Variants in ELAVL4 observed in about 807,000 individuals in gnomAD.
ELAVL4 encodes the protein ELAV-like protein 4.
Under a neutral mutation model 35.6 loss-of-function variants are expected in ELAVL4, and 1 was observed. The observed-to-expected ratio is 0.03, with a 90% CI of 0.01 to 0.13. The LOEUF (loss-of-function observed/expected upper bound fraction) is 0.13. Ranked by LOEUF, ELAVL4 falls within the 10% of genes least tolerant of loss-of-function variation. ELAVL4 has a pLI of 1.00. For missense variants in ELAVL4, 267 were observed against 464.9 expected (o/e 0.57, Z 3.91); for synonymous variants, 156 against 171.0 (o/e 0.91, Z 0.69).
chr1:50,128,139 T>C (rs1279619889), intron 1 of ELAVL4, among the ~76,000 whole-genome samples: 3 of 152,062 alleles, frequency 2.0e-5, no homozygotes, highest in Non-Finnish European at 4.4e-5. Context: ...AGTTTAGGCC[T>C]GAAACAGAGG....
chr1:50,123,199 C>A (rs532203298), intron 1 of ELAVL4, among the ~76,000 whole-genome samples: 6 of 152,146 alleles, frequency 3.9e-5, no homozygotes, highest in African/African-American at 1.4e-4. Flanking sequence ...ATCTGTTTAT[C>A]TCCACCTACC....
At chr1:50,091,610 G>A (rs1431649523) in intron 1 of ELAVL4, among the ~76,000 whole-genome samples, 1 of 152,166 alleles carries the variant, frequency 6.6e-6, no homozygotes, top group Non-Finnish European at 1.5e-5. Flanking sequence ...GTCACCTATT[G>A]TTCCGTAACA....
rs1557681353 is a variant in ELAVL4, at chr1:50,062,063, A to G, written c.18+13881A>G. Among the ~76,000 whole-genome samples, 3 of 152,232 alleles carry G rather than the reference A, an allele frequency of 2.0e-5. No homozygotes were observed. In the East Asian group the frequency reaches 5.8e-4, roughly 29 times the overall value. On this transcript the variant is annotated intron_variant, in intron 1 of 6. Transcript: ENST00000448907. ...CAAGTGAGTTTCAGTGTTCTTCATC[A>G]TGTTTTTAACCATTATGGTATGTTG... is the stretch of plus-strand genomic sequence containing the variant.
chr1:50,154,119 A>T (rs1572425925), intron 2 of ELAVL4, among the ~76,000 whole-genome samples: 1 of 152,342 alleles, frequency 6.6e-6, no homozygotes, highest in Middle Eastern at 3.4e-3. Flanking sequence ...GTAAATGGGG[A>T]TACCACCTTT....
chr1:50,101,420 A>G (rs962007019), upstream of ELAVL4, among the ~76,000 whole-genome samples: 1 of 152,230 alleles, frequency 6.6e-6, no homozygotes, highest in Non-Finnish European at 1.5e-5. Context: ...AATAGATTAA[A>G]TGAGATATCT....
intron 2 of ELAVL4, among the ~76,000 whole-genome samples, chr1:50,173,280 T>C (rs1481470103): frequency 1.3e-5 from 2 of 152,206 alleles, no homozygotes; most frequent in Non-Finnish European, 2.9e-5. Context: ...ATTGTGTATT[T>C]GTGTGTGTGC....
At chr1:50,124,758 C>T (rs1160092810) in intron 1 of ELAVL4, among the ~76,000 whole-genome samples, 3 of 152,198 alleles carry the variant, frequency 2.0e-5, no homozygotes, top group Admixed American at 6.5e-5. Context: ...GGATTCAAAT[C>T]CTGGCTTTAT....
At chr1:50,144,831 C>A in intron 1 of ELAVL4, 126 bp from the exon 2 acceptor site, 1 of 1,432,648 alleles carries the variant, frequency 7.0e-7, no homozygotes. Context: ...TGTTCACAAC[C>A]CAGTCTCTTG....
chr1:50,118,151 T>C (rs1311960190), intron 1 of ELAVL4, among the ~76,000 whole-genome samples: 1 of 152,132 alleles, frequency 6.6e-6, no homozygotes, highest in East Asian at 1.9e-4. Flanking sequence ...GCTGTCTGTA[T>C]ATTGTAACTT....
intron 3 of ELAVL4, among the ~76,000 whole-genome samples, chr1:50,185,197 G>A (rs868302126): frequency 1.4e-4 from 22 of 152,176 alleles, no homozygotes; most frequent in African/African-American, 5.3e-4. Flanking sequence ...TGGTCTGTCA[G>A]TGATCATAGA....
chr1:50,171,888 T>C (rs1679066319), intron 2 of ELAVL4, among the ~76,000 whole-genome samples: 1 of 152,174 alleles, frequency 6.6e-6, no homozygotes, highest in African/African-American at 2.4e-5. Context: ...ATTACTGCCA[T>C]GCAGGTAATT....
intron 1 of ELAVL4, among the ~76,000 whole-genome samples, chr1:50,089,269 T>A (rs1331227495): frequency 6.6e-6 from 1 of 152,148 alleles, no homozygotes; most frequent in African/African-American, 2.4e-5. Context: ...GAGAGGAGGG[T>A]AACCTAATGC....
chr1:50,053,766 A>C lies in ELAVL4; in HGVS notation c.18+5584A>C, dbSNP rs1663517671. The stretch of plus-strand genomic sequence containing the variant: ...AAAGGAACAAGAGAAAGTAGACATT[A>C]AAAATAACCATAATCAAGAAGTGCG... On this transcript the variant is annotated intron_variant, in intron 1 of 6. Coordinates refer to the ELAVL4 transcript ENST00000448907. 2.0e-5 allele frequency among the ~76,000 whole-genome samples: 3 copies of C among 152,370 alleles called. No homozygotes were observed. The South Asian group carries it at 6.2e-4, about 32-fold the overall frequency.
At chr1:50,164,036 C>T (rs1451272537) in intron 2 of ELAVL4, among the ~76,000 whole-genome samples, 1 of 152,138 alleles carries the variant, frequency 6.6e-6, no homozygotes, top group Non-Finnish European at 1.5e-5. Flanking sequence ...GCCTTAATTT[C>T]CCCTTTAGTA....
At chr1:50,115,546 T>C (rs1667799129) in intron 1 of ELAVL4, among the ~76,000 whole-genome samples, 1 of 152,154 alleles carries the variant, frequency 6.6e-6, no homozygotes, top group Non-Finnish European at 1.5e-5. Flanking sequence ...CATTTTAAAC[T>C]ATAAAATATA....
At chr1:50,134,856 G>T (rs368145828) in intron 1 of ELAVL4, among the ~76,000 whole-genome samples, 8 of 152,176 alleles carry the variant, frequency 5.3e-5, no homozygotes, top group African/African-American at 1.7e-4. Flanking sequence ...ACTGCATCAG[G>T]ATGGACACAC....
chr1:50,107,147 A>G (rs1666399748), upstream of ELAVL4, among the ~76,000 whole-genome samples: 1 of 152,208 alleles, frequency 6.6e-6, no homozygotes, highest in South Asian at 2.1e-4. Context: ...TATATGCTGA[A>G]CCATTTAGAA....
intron 3 of ELAVL4, among the ~76,000 whole-genome samples, chr1:50,185,846 A>G (rs1281664532): frequency 6.6e-6 from 1 of 152,206 alleles, no homozygotes; most frequent in African/African-American, 2.4e-5. Context: ...AAGTATTATG[A>G]AGCTTCCAGC....
chr1:50,052,464 A>G (rs1663436453), intron 1 of ELAVL4, among the ~76,000 whole-genome samples: 1 of 152,214 alleles, frequency 6.6e-6, no homozygotes, highest in South Asian at 2.1e-4. Context: ...GCTGTGCAGT[A>G]GCTTCCTAAT....
Sources: gnomAD v4.1 joint callset for allele counts (sites outside exome capture counted in the v4.1 genomes callset) on GRCh38, gnomAD v4.1.1 for gene constraint, MANE v1.5 for transcripts, NCBI Gene and HGNC (gene_info 2026-07-23, HGNC 2026-07-21) for gene names.